GTF3C1: variants seen among roughly 807,000 people sequenced by gnomAD.
GTF3C1 encodes general transcription factor 3C polypeptide 1.
In GTF3C1, 57 loss-of-function variants were observed where a neutral mutation model predicts 226.7. That is an observed-to-expected ratio of 0.25 (90% CI 0.20 to 0.31). The LOEUF is 0.31. Among genes scored for constraint, GTF3C1 ranks in the 10% least tolerant of loss-of-function variants. The pLI is 1.00. For synonymous variants in GTF3C1, 1,090 were observed against 1,084.8 expected (o/e 1.00, Z -0.09); for missense variants, 2,217 against 2,776.1 (o/e 0.80, Z 4.53).
chr16:27,540,860 T>C (rs1402762095), intron 2 of GTF3C1, among the ~76,000 whole-genome samples: 2 of 152,074 alleles, frequency 1.3e-5, no homozygotes, highest in Non-Finnish European at 2.9e-5. Context: ...TCTTTTTTTT[T>C]TGAGACAAAG....
Position 27,511,613 on chromosome 16 carries a change from C to A in GTF3C1, c.1126+136G>T, listed in dbSNP as rs1316781030. The A allele has an allele frequency of 1.3e-5, 11 of 879,072 alleles. No homozygotes were observed. In the South Asian group the frequency reaches 2.0e-4, roughly 16 times the overall value. 54.5% of individuals were successfully genotyped at this position (879,072 alleles called of 1,614,324 possible). A position where few individuals can be genotyped will look rare whatever the true frequency, so the allele number is the denominator to read the frequency against. On this transcript the variant is annotated intron_variant, in intron 7 of 36. Coordinates refer to ENST00000356183, the MANE Select transcript of GTF3C1 (RefSeq NM_001520.4). ...CTCCAATCTGACCTTGAAGCCTAAA[C>A]CCTTCTGGGGAACCAAGGCACTTCC...
chr16:27,505,970 CAAAG>C lies in GTF3C1; in HGVS notation c.1695_1698del (p.Phe566SerfsTer12). 1 of 1,613,724 alleles carries C rather than the reference CAAAG, an allele frequency of 6.2e-7. No individual in the cohort carries two copies. The highest frequency in any genetic ancestry group is 8.5e-7 in the Non-Finnish European group (1 of 1,179,594). ...CTGTTGCTGTCCGCACAGTGGGAGA[CAAAG>C]GACACGTTGGGTTCTGAGACGCTGC... On this transcript the variant is annotated frameshift_variant, in exon 10 of 37. Transcript: ENST00000356183. LOFTEE classifies it high-confidence loss of function.
At chr16:27,482,648 G>A (rs954400161) in intron 26 of GTF3C1, 3 of 458,676 alleles carry the variant, frequency 6.5e-6, no homozygotes, top group Non-Finnish European at 1.3e-5. Context: ...AAGGGCAGGA[G>A]TCTGGGTCAG....
chr16:27,471,354 G>C lies in GTF3C1; in HGVS notation c.4526+394C>G, dbSNP rs2087865948. ...ACCTCCGCACCCCAATCCTGCACTGGCTGTTGGTGCTGCGAATGGGCCCAG... is the reference window on the plus strand; with the variant it reads ...ACCTCCGCACCCCAATCCTGCACTGCCTGTTGGTGCTGCGAATGGGCCCAG... On this transcript the variant is annotated intron_variant, in intron 30 of 36. Coordinates refer to ENST00000356183, the MANE Select transcript of GTF3C1 (RefSeq NM_001520.4). This position sits in a 1 kb window ranked among gnomAD's most constrained non-coding sequence, Gnocchi z 5.0. 6.6e-6 allele frequency among the ~76,000 whole-genome samples: 1 copy of C among 152,232 alleles called. No individual in the cohort carries two copies. Among genetic ancestry groups the C allele is most frequent in the African/African-American group, 2.4e-5 (1 of 41,466 alleles).
rs753503921 is a variant in GTF3C1, at chr16:27,469,373, G to A, written c.4992C>T (p.Pro1664=). ...PGIVSTRNLN[P]NDSIVVNSCQ... is the part of the protein sequence containing the mutation. ...AGGAGTTGACCACAATGCTGTCGTT[G>A]GGGTTGAGGTTGCGGGTGCTGACGA... Residue 1664 remains proline, a synonymous_variant, in exon 32 of 37, where the codon CCC becomes CCT. Coordinates refer to ENST00000356183, the MANE Select transcript of GTF3C1 (RefSeq NM_001520.4). This position sits in a 1 kb window ranked among gnomAD's most constrained non-coding sequence, Gnocchi z 4.5. The A allele has an allele frequency of 6.2e-7, 1 of 1,611,544 alleles. No individual in the cohort carries two copies. The highest frequency in any genetic ancestry group is 1.1e-5 in the South Asian group (1 of 90,562).
At chr16:27,482,637 G>A (rs563786787) in intron 26 of GTF3C1, 94 of 458,104 alleles carry the variant, frequency 2.1e-4, no homozygotes, top group Non-Finnish European at 3.6e-4. Context: ...CCTCTGAGGC[G>A]AAGGGCAGGA....
At chr16:27,544,019 G>A (rs2089127379) in intron 2 of GTF3C1, among the ~76,000 whole-genome samples, 1 of 152,126 alleles carries the variant, frequency 6.6e-6, no homozygotes. Context: ...CAGTTACAAG[G>A]GATTTGAGGT....
At position 27,484,119 on chromosome 16, in the gene GTF3C1, C is replaced by G. The variant is rs971177822; in HGVS notation, c.4001+92G>C. The G allele has an allele frequency of 3.1e-5, 29 of 946,964 alleles. No homozygotes were observed. In the Middle Eastern group the frequency reaches 7.0e-4, roughly 23 times the overall value. 58.7% of individuals were successfully genotyped at this position (946,964 alleles called of 1,614,324 possible). A position where few individuals can be genotyped will look rare whatever the true frequency, so the allele number is the denominator to read the frequency against. On this transcript the variant is annotated intron_variant, in intron 25 of 36. Coordinates refer to ENST00000356183, the MANE Select transcript of GTF3C1 (RefSeq NM_001520.4). ...CACTTGGCCAGCCCATCAGACACCT[C>G]AGTGTGCTCCAGCCACACTTCCCAC...
chr16:27,544,852 A>G (rs899621124), intron 2 of GTF3C1, among the ~76,000 whole-genome samples: 6 of 152,232 alleles, frequency 3.9e-5, no homozygotes, highest in African/African-American at 1.2e-4. Context: ...AAGGCGAATG[A>G]AGGCCAAGAA....
intron 6 of GTF3C1, among the ~76,000 whole-genome samples, chr16:27,519,913 C>T (rs2088719451): frequency 6.6e-6 from 1 of 152,228 alleles, no homozygotes; most frequent in East Asian, 1.9e-4. Flanking sequence ...TCGCGACTGG[C>T]ATGGACAACA....
intron 26 of GTF3C1, 49 bp from the exon 27 acceptor site, chr16:27,481,240 G>C: frequency 1.3e-6 from 2 of 1,532,452 alleles, no homozygotes; most frequent in Non-Finnish European, 1.8e-6. Context: ...TTCCTAAAGG[G>C]AGGTTTTGCT....
At chr16:27,534,921 GAC>G (rs1348120355) in intron 4 of GTF3C1, among the ~76,000 whole-genome samples, 1 of 151,506 alleles carries the variant, frequency 6.6e-6, no homozygotes, top group East Asian at 1.9e-4. Context: ...GGAGATTTGT[GAC>G]AGTTTGAGAA....
chr16:27,466,091 T>C (rs1340934102), intron 32 of GTF3C1: 1 of 156,368 alleles, frequency 6.4e-6, no homozygotes, highest in Non-Finnish European at 1.4e-5. Context: ...CTCCAAAGTA[T>C]AGAATTCTAA....
rs529128502 is a variant in GTF3C1 at position 27,462,489 on chromosome 16, G to A, written c.5925-3C>T. 2.2e-5 allele frequency: 36 copies of A among 1,611,670 alleles called. No individual in the cohort carries two copies. In the African/African-American group the frequency reaches 4.4e-4, roughly 20 times the overall value. Reference sequence around the variant, plus strand: ...TGAAGCAGACACTCTCACAGTCCCTGCAGGGAGAGGGCTTGACATCAGGGC... The same window carrying A: ...TGAAGCAGACACTCTCACAGTCCCTACAGGGAGAGGGCTTGACATCAGGGC... On this transcript the variant is annotated splice_region_variant and splice_polypyrimidine_tract_variant and intron_variant, in intron 35 of 36. Transcript: ENST00000356183. This position sits in a 1 kb window ranked among gnomAD's most constrained non-coding sequence, Gnocchi z 4.5.
At chr16:27,539,858 A>G (rs996111137) in intron 2 of GTF3C1, among the ~76,000 whole-genome samples, 33 of 152,152 alleles carry the variant, frequency 2.2e-4, no homozygotes, top group Admixed American at 2.2e-3. Context: ...CCCTTGAACC[A>G]TGAACCAAAC....
At chr16:27,525,369 A>G (rs2088816886) in intron 6 of GTF3C1, among the ~76,000 whole-genome samples, 1 of 152,098 alleles carries the variant, frequency 6.6e-6, no homozygotes. Context: ...CAGTCATTCA[A>G]CCAATCACAC....
intron 12 of GTF3C1, among the ~76,000 whole-genome samples, chr16:27,500,737 C>T (rs561944467): frequency 1.8e-4 from 28 of 152,304 alleles, no homozygotes; most frequent in African/African-American, 6.5e-4. Context: ...ATAGATATGT[C>T]GAGGCAGAAG....
chr16:27,538,996 ACACT>A (rs945332559), intron 2 of GTF3C1, among the ~76,000 whole-genome samples: 1 of 134,728 alleles, frequency 7.4e-6, no homozygotes, highest in Non-Finnish European at 1.5e-5. Flanking sequence ...ACACACACAC[ACACT>A]CATCTTTTTT....
intron 1 of GTF3C1, among the ~76,000 whole-genome samples, chr16:27,549,320 T>A (rs1406963335): frequency 6.6e-6 from 1 of 152,184 alleles, no homozygotes; most frequent in East Asian, 1.9e-4. Flanking sequence ...GAGTCTCCAG[T>A]CTGGCTCTAA....
Sources: gnomAD v4.1 joint callset for allele counts (sites outside exome capture counted in the v4.1 genomes callset) on GRCh38, gnomAD v4.1.1 for gene constraint, Gnocchi (gnomAD v3.1) non-coding constraint, MANE v1.5 for transcripts, NCBI Gene and HGNC (gene_info 2026-07-23, HGNC 2026-07-21) for gene names.